Variants in ELMO1 observed in about 807,000 individuals in gnomAD.
ELMO1 encodes the protein engulfment and cell motility protein 1.
Under a neutral mutation model 98.9 loss-of-function variants are expected in ELMO1, and 26 were observed. The ratio of observed to expected loss-of-function variants is 0.26; its 90% CI spans 0.19 to 0.36. ELMO1 has a LOEUF of 0.36. Ranked by LOEUF, ELMO1 falls within the 10% of genes least tolerant of loss-of-function variation. The pLI, the probability that ELMO1 is intolerant of heterozygous loss-of-function variation, is 1.00. For missense variants in ELMO1, 627 were observed against 935.2 expected, an observed-to-expected ratio of 0.67 and a Z score of 4.30; for synonymous variants, 346 against 346.0, an observed-to-expected ratio of 1.00 and a Z score of 0.00.
chr7:37,033,119 C>T (rs918290916), intron 15 of ELMO1, among the ~76,000 whole-genome samples: 2 of 152,028 alleles, frequency 1.3e-5, no homozygotes, highest in African/African-American at 4.8e-5. Flanking sequence ...CTCCACATTC[C>T]ATAATCGCTG....
At chr7:37,023,063 C>T (rs1222298304) in intron 15 of ELMO1, among the ~76,000 whole-genome samples, 1 of 152,166 alleles carries the variant, frequency 6.6e-6, no homozygotes, top group Non-Finnish European at 1.5e-5. Flanking sequence ...GCAAAATTCA[C>T]AGATGATAAT....
At chr7:37,217,278 C>T (rs557430024) in intron 10 of ELMO1, among the ~76,000 whole-genome samples, 12 of 152,228 alleles carry the variant, frequency 7.9e-5, no homozygotes, top group African/African-American at 2.6e-4. Flanking sequence ...TTGTTTTGTG[C>T]CTTGGCATCT....
intron 16 of ELMO1, among the ~76,000 whole-genome samples, chr7:36,977,078 C>G (rs1458346218): frequency 6.6e-6 from 1 of 152,100 alleles, no homozygotes; most frequent in Non-Finnish European, 1.5e-5. Context: ...GATAAAATGC[C>G]TTTTAACACT....
At chr7:37,019,836 G>T (rs935471986) in intron 15 of ELMO1, among the ~76,000 whole-genome samples, 1 of 152,138 alleles carries the variant, frequency 6.6e-6, no homozygotes, top group Non-Finnish European at 1.5e-5. Flanking sequence ...GGAATATTAA[G>T]ATATTTTCAG....
At chr7:37,213,130 G>A (rs1793074699) in intron 12 of ELMO1, among the ~76,000 whole-genome samples, 1 of 152,114 alleles carries the variant, frequency 6.6e-6, no homozygotes, top group African/African-American at 2.4e-5. Context: ...TGCATGTTTG[G>A]AGCCTAATGG....
chr7:36,908,499 T>C (rs1471541529), intron 16 of ELMO1, among the ~76,000 whole-genome samples: 1 of 152,164 alleles, frequency 6.6e-6, no homozygotes, highest in Non-Finnish European at 1.5e-5. Context: ...AGGATATAAT[T>C]TGTATTAGAG....
At chr7:37,150,439 C>T (rs1461466866) in intron 13 of ELMO1, among the ~76,000 whole-genome samples, 2 of 62,946 alleles carry the variant, frequency 3.2e-5, no homozygotes, top group African/African-American at 6.6e-5. Context: ...AACTACTACA[C>T]TAAAAAAAAA....
At position 37,385,349 on chromosome 7, in the gene ELMO1, C is replaced by A. The variant is rs925374867; in HGVS notation, c.-73-42586G>T. ...GTTCCTCATTCCATCTCCCCCTCCC[C>A]TCCAGCCACACTGGCCCTGCTATTC... On this transcript the variant is annotated intron_variant, in intron 1 of 21. Transcript: ENST00000310758. Among the ~76,000 whole-genome samples the A allele has an allele frequency of 2.6e-5, 4 of 152,236 alleles. No individual in the cohort carries two copies. The South Asian group carries it at 8.3e-4, about 32-fold the overall frequency.
At position 37,433,976 on chromosome 7, in the gene ELMO1, G is replaced by T. The variant is rs192988293; in HGVS notation, c.-74+14699C>A. ...TATGGAACAAGATTTTTATTAAACG[G>T]TGACAAAGATGAAAAGTAAAATATC... On this transcript the variant is annotated intron_variant, in intron 1 of 21. Transcript: ENST00000310758. Among the ~76,000 whole-genome samples the T allele has an allele frequency of 2.3e-3, 357 of 152,186 alleles. 1 individual carries two copies. The highest frequency in any genetic ancestry group is 3.7e-3 in the South Asian group (18 of 4,818).
At chr7:37,110,749 G>T (rs1785208007) in intron 14 of ELMO1, among the ~76,000 whole-genome samples, 1 of 152,110 alleles carries the variant, frequency 6.6e-6, no homozygotes, top group Non-Finnish European at 1.5e-5. Flanking sequence ...AAGGGGCTAT[G>T]GGGCCCCCCA....
chr7:36,969,824 T>C (rs1430994450), intron 16 of ELMO1, among the ~76,000 whole-genome samples: 1 of 152,180 alleles, frequency 6.6e-6, no homozygotes, highest in Non-Finnish European at 1.5e-5. Flanking sequence ...AAATAAATCA[T>C]ATTTCTTTAA....
chr7:36,982,011 G>A (rs1392566876), intron 16 of ELMO1, among the ~76,000 whole-genome samples: 4 of 152,238 alleles, frequency 2.6e-5, no homozygotes, highest in African/African-American at 4.8e-5. Flanking sequence ...ATCCAGTAGA[G>A]TAGCCACTAA....
intron 16 of ELMO1, among the ~76,000 whole-genome samples, chr7:37,011,444 T>C (rs1041721763): frequency 6.6e-6 from 1 of 152,242 alleles, no homozygotes; most frequent in Non-Finnish European, 1.5e-5. Flanking sequence ...TTTAAGTGTC[T>C]GAATGCTCAT....
intron 14 of ELMO1, among the ~76,000 whole-genome samples, chr7:37,106,476 T>C (rs1784954574): frequency 6.6e-6 from 1 of 152,120 alleles, no homozygotes; most frequent in Non-Finnish European, 1.5e-5. Flanking sequence ...AGCACAGCCC[T>C]TACCAGACAC....
At chr7:36,980,439 A>G (rs1584472075) in intron 16 of ELMO1, among the ~76,000 whole-genome samples, 2 of 152,274 alleles carry the variant, frequency 1.3e-5, no homozygotes, top group South Asian at 2.1e-4. Flanking sequence ...AGTTTGACGC[A>G]TATATGACAT....
At chr7:37,381,631 A>C (rs934260652) in intron 1 of ELMO1, among the ~76,000 whole-genome samples, 1 of 152,174 alleles carries the variant, frequency 6.6e-6, no homozygotes, top group Non-Finnish European at 1.5e-5. Context: ...GAAAAATAAA[A>C]ATTTTCAGAG....
At chr7:37,181,580 A>G (rs1436538356) in intron 13 of ELMO1, among the ~76,000 whole-genome samples, 2 of 152,210 alleles carry the variant, frequency 1.3e-5, no homozygotes, top group African/African-American at 2.4e-5. Context: ...AAGACCATTA[A>G]ACACAGGACA....
At chr7:37,447,907 G>A (rs942733466) in intron 1 of ELMO1, among the ~76,000 whole-genome samples, 15 of 151,784 alleles carry the variant, frequency 9.9e-5, no homozygotes, top group African/African-American at 3.6e-4. Flanking sequence ...CCCCTGGCAT[G>A]CCGCCGCCCC....
intron 4 of ELMO1, among the ~76,000 whole-genome samples, chr7:37,293,727 T>TAAG (rs1797879485): frequency 3.3e-5 from 1 of 30,292 alleles, no homozygotes. Context: ...AAAAAAAAAA[T>TAAG]AATAATAATA....
Sources: gnomAD v4.1 joint callset for allele counts (sites outside exome capture counted in the v4.1 genomes callset) on GRCh38, gnomAD v4.1.1 for gene constraint, MANE v1.5 for transcripts, NCBI Gene and HGNC (gene_info 2026-07-23, HGNC 2026-07-21) for gene names.